Variants in CTBP1 observed in about 807,000 individuals in gnomAD.
The protein encoded by CTBP1 is C-terminal-binding protein 1.
A neutral mutation model predicts 42.1 loss-of-function variants in CTBP1; 11 were observed. The observed-to-expected ratio is 0.26, with a 90% CI of 0.16 to 0.43. The LOEUF (loss-of-function observed/expected upper bound fraction) is 0.43, where lower values mean the gene tolerates loss of function less well. CTBP1 is among the 20% of genes least tolerant of loss of function. The probability of loss-of-function intolerance (pLI) is 1.00; values close to 1 mark genes in which losing one functional copy is unlikely to be tolerated. For missense variants in CTBP1, 399 were observed against 624.3 expected (o/e 0.64, Z 3.85); for synonymous variants, 324 against 277.1 (o/e 1.17, Z -1.68).
At chr4:1,242,656 C>G in intron 1 of CTBP1, 3 of 985,446 alleles carry the variant, frequency 3.0e-6, no homozygotes, top group Non-Finnish European at 3.6e-6. Context: ...ATGGCAGGTG[C>G]TGTGTGGGAC....
chr4:1,222,347 A>G (rs889464435), intron 5 of CTBP1, among the ~76,000 whole-genome samples: 2 of 150,632 alleles, frequency 1.3e-5, no homozygotes, highest in South Asian at 4.3e-4. Flanking sequence ...TGCTCTCCTC[A>G]GCTCCCGAGG....
Position 1,249,076 on chromosome 4 carries a change from C to T in CTBP1, c.-349G>A. 3.0e-6 allele frequency: 1 copy of T among 336,316 alleles called. No individual in the cohort carries two copies. The allele number at this position is 336,316 out of a possible 1,614,324, so 20.8% of individuals were successfully genotyped here. ...CGCCCGCCCGCCTGCGCCTGGCCGCCGCCGTGCCGAGTCTCCGCCGCGCCG... is the reference window on the plus strand; with the variant it reads ...CGCCCGCCCGCCTGCGCCTGGCCGCTGCCGTGCCGAGTCTCCGCCGCGCCG... On this transcript the variant is annotated 5_prime_UTR_variant, in exon 1 of 10. Coordinates refer to ENST00000382952, the MANE Select transcript of CTBP1 (RefSeq NM_001012614.2).
intron 3 of CTBP1, chr4:1,236,401 C>A: frequency 3.7e-6 from 2 of 544,848 alleles, no homozygotes; most frequent in East Asian, 3.2e-5. Flanking sequence ...CGAGACCGCC[C>A]GTGTGAAGAC....
intron 8 of CTBP1, 95 bp from the exon 9 acceptor site, chr4:1,213,125 C>T (rs1728719219): frequency 9.3e-7 from 1 of 1,076,170 alleles, no homozygotes; most frequent in Non-Finnish European, 1.4e-6. Flanking sequence ...GGATTCTTGG[C>T]AGTGTGCTCC....
At chr4:1,246,941 G>T (rs1255844650) in intron 1 of CTBP1, among the ~76,000 whole-genome samples, 1 of 152,228 alleles carries the variant, frequency 6.6e-6, no homozygotes, top group Non-Finnish European at 1.5e-5. Flanking sequence ...GAGGCAGACA[G>T]GACGAGCCAG....
chr4:1,238,163 A>G lies in CTBP1; in HGVS notation c.162+20T>C, dbSNP rs778974119. On this transcript the variant is annotated intron_variant, in intron 3 of 9. Coordinates refer to ENST00000382952, the MANE Select transcript of CTBP1 (RefSeq NM_001012614.2). The surrounding 1 kb of genome is among the most constrained non-coding windows in gnomAD (Gnocchi z 5.9). The stretch of plus-strand genomic sequence containing the variant: ...CCCAACGTGCGGTTCTGCCAGCCCC[A>G]GGCGACCACGTGGTGGTACCTTCTC... 1 of 1,612,364 alleles carries G rather than the reference A, an allele frequency of 6.2e-7. No individual in the cohort carries two copies. The highest frequency in any genetic ancestry group is 2.2e-5 in the East Asian group (1 of 44,856).
intron 6 of CTBP1, chr4:1,215,738 A>C: frequency 9.3e-6 from 5 of 536,096 alleles, no homozygotes; most frequent in Non-Finnish European, 1.7e-5. Flanking sequence ...CTTCAGGGGA[A>C]TTTGGTGTTC....
chr4:1,213,037 G>A lies in CTBP1; in HGVS notation c.989-7C>T. ...AGGCTGTCTGGGATCCGGCCTGGGAGATGCAGGAGGAAGGAACAGCTGTGG... is the reference window on the plus strand; with the variant it reads ...AGGCTGTCTGGGATCCGGCCTGGGAAATGCAGGAGGAAGGAACAGCTGTGG... On this transcript the variant is annotated splice_polypyrimidine_tract_variant and splice_region_variant and intron_variant, in intron 8 of 9. Transcript: ENST00000382952. 2.5e-6 allele frequency: 4 copies of A among 1,612,770 alleles called. No homozygotes were observed. The highest frequency in any genetic ancestry group is 3.4e-6 in the Non-Finnish European group (4 of 1,179,214).
At chr4:1,244,717 T>A in intron 1 of CTBP1, 6 of 985,180 alleles carry the variant, frequency 6.1e-6, no homozygotes, top group Non-Finnish European at 7.2e-6. Context: ...CCTGTCCCCA[T>A]AAGCCCTGAT....
At chr4:1,237,725 G>A (rs1290105106) in intron 3 of CTBP1, 2 of 694,654 alleles carry the variant, frequency 2.9e-6, no homozygotes, top group South Asian at 1.5e-5. Flanking sequence ...TCCACCTCCT[G>A]ATGGGGCTCA....
intron 1 of CTBP1, chr4:1,244,022 A>C: frequency 4.1e-6 from 4 of 985,404 alleles, no homozygotes; most frequent in Non-Finnish European, 4.8e-6. Flanking sequence ...TAAAACAAAA[A>C]CTGATTTTAA....
chr4:1,212,526 G>A (rs1728648335), intron 9 of CTBP1, 103 bp from the exon 10 acceptor site: 3 of 1,026,732 alleles, frequency 2.9e-6, no homozygotes, highest in Non-Finnish European at 4.0e-6. Context: ...TCTCCAGGAG[G>A]ACCAGCAGTC....
chr4:1,212,796 C>T (rs913932591), intron 9 of CTBP1, 117 bp downstream of exon 9: 3 of 877,984 alleles, frequency 3.4e-6, no homozygotes, highest in East Asian at 5.2e-5. Context: ...CCAATTCTAC[C>T]CAGATCCTCC....
At chr4:1,220,884 G>A (rs1182719457) in intron 5 of CTBP1, among the ~76,000 whole-genome samples, 2 of 152,368 alleles carry the variant, frequency 1.3e-5, no homozygotes, top group Non-Finnish European at 2.9e-5. Context: ...AAAACACAGA[G>A]AACCTGTTAC....
intron 3 of CTBP1, among the ~76,000 whole-genome samples, chr4:1,229,210 GA>G (rs1214273160): frequency 6.6e-6 from 1 of 152,210 alleles, no homozygotes; most frequent in Non-Finnish European, 1.5e-5. Context: ...ACAGGTGGAG[GA>G]AGTGCCCTAG....
chr4:1,219,173 AAAT>A lies in CTBP1; in HGVS notation c.515-2971_515-2969del, dbSNP rs200013130. The stretch of plus-strand genomic sequence containing the variant: ...ACAGCAAGACTTTGTCTCTACCAAA[AAAT>A]AATAATAATAATAATAACAATTAAT... On this transcript the variant is annotated intron_variant, in intron 5 of 9. Transcript: ENST00000382952. 7.6e-3 allele frequency among the ~76,000 whole-genome samples: 1,162 copies of A among 151,898 alleles called. 47 individuals are homozygous for A. The highest frequency in any genetic ancestry group is 0.067 in the Admixed American group (1,020 of 15,232).
intron 6 of CTBP1, 111 bp downstream of exon 6, chr4:1,215,880 T>C (rs1729054124): frequency 1.6e-6 from 2 of 1,218,800 alleles, no homozygotes; most frequent in African/African-American, 3.0e-5. Context: ...TGTGGCTCGC[T>C]GAAGGCAGGG....
rs1024989479 is a variant in CTBP1 at position 1,242,855 on chromosome 4, C to T, written c.-188-1336G>A. ...TAAATGTCACATTTCACCCACGAGCCAGCCTGGCCAGGGGGCAAGGCACCG... is the reference window on the plus strand; with the variant it reads ...TAAATGTCACATTTCACCCACGAGCTAGCCTGGCCAGGGGGCAAGGCACCG... On this transcript the variant is annotated intron_variant, in intron 1 of 9. Transcript: ENST00000382952. 3 of 985,332 alleles carry T rather than the reference C, an allele frequency of 3.0e-6. No individual in the cohort carries two copies. In the African/African-American group the frequency reaches 5.2e-5, roughly 17 times the overall value. The allele number at this position is 985,332 out of a possible 1,614,324, so 61.0% of individuals were successfully genotyped here.
Position 1,238,370 on chromosome 4 carries a change from C to T in CTBP1, c.8-33G>A, listed in dbSNP as rs1407916639. ...ACAGAGGCAAGTGCTCAGCCTTGCA[C>T]CACTGCGGCCCCGTGGCTACAACCC... On this transcript the variant is annotated intron_variant, in intron 2 of 9. Transcript: ENST00000382952. The surrounding 1 kb of genome is among the most constrained non-coding windows in gnomAD (Gnocchi z 5.9). The T allele has an allele frequency of 2.0e-6, 3 of 1,517,490 alleles. No homozygotes were observed. The highest frequency in any genetic ancestry group is 2.3e-5 in the East Asian group (1 of 43,986). 94.0% of individuals were successfully genotyped at this position (1,517,490 alleles called of 1,614,324 possible). A position where few individuals can be genotyped will look rare whatever the true frequency, so the allele number is the denominator to read the frequency against.
Sources: allele counts gnomAD v4.1 joint callset (sites outside exome capture counted in the v4.1 genomes callset), GRCh38; gene constraint gnomAD v4.1.1; non-coding constraint Gnocchi (gnomAD v3.1); transcripts MANE v1.5; gene names NCBI Gene and HGNC (gene_info 2026-07-23, HGNC 2026-07-21).